The following SGK1 variants were observed in gnomAD, a reference collection of about 807,000 sequenced individuals.
SGK1 encodes serum/glucocorticoid regulated kinase 1.
A neutral mutation model predicts 64.2 loss-of-function variants in SGK1; 26 were observed. The observed-to-expected ratio is 0.40, with a 90% CI of 0.30 to 0.56. The LOEUF (loss-of-function observed/expected upper bound fraction) is 0.56, where lower values mean the gene tolerates loss of function less well. Among genes scored for constraint, SGK1 ranks in the 20% least tolerant of loss-of-function variants. The probability of loss-of-function intolerance (pLI) is 0.38; values close to 1 mark genes in which losing one functional copy is unlikely to be tolerated. For missense variants in SGK1, 519 were observed against 645.6 expected, an observed-to-expected ratio of 0.80 and a Z score of 2.12; for synonymous variants, 265 against 239.7, an observed-to-expected ratio of 1.11 and a Z score of -0.98.
intron 2 of SGK1, among the ~76,000 whole-genome samples, chr6:134,212,295 C>T (rs2114691918): frequency 6.6e-6 from 1 of 152,224 alleles, no homozygotes; most frequent in South Asian, 2.1e-4. Flanking sequence ...CCTCGTGATC[C>T]ACCCGCTTCA....
At chr6:134,175,656 C>T (rs959675742) in intron 3 of SGK1, 16 of 1,507,790 alleles carry the variant, frequency 1.1e-5, no homozygotes, top group Non-Finnish European at 1.4e-5. Flanking sequence ...CCTGCATCTC[C>T]CCCATGGGCA....
chr6:134,223,379 A>T (rs1582723623), intron 2 of SGK1, among the ~76,000 whole-genome samples: 1 of 152,032 alleles, frequency 6.6e-6, no homozygotes, highest in African/African-American at 2.4e-5. Flanking sequence ...AAAAAAAAAA[A>T]AGGGATAATA....
At chr6:134,305,221 T>C (rs1332492173) in intron 1 of SGK1, among the ~76,000 whole-genome samples, 2 of 151,960 alleles carry the variant, frequency 1.3e-5, no homozygotes, top group Non-Finnish European at 2.9e-5. Context: ...TAGCTGGGCA[T>C]GGTGGCTGGT....
rs1562237305 is a variant in SGK1, at chr6:134,172,679, T to C, written c.930A>G (p.Ser310=). ...EIASALGYLH[S]LNIVYRDLKP... is the part of the protein sequence containing the mutation. ...AGGCTTACCTATAAACGATGTTCAG[T>C]GAATGCAGGTAGCCCAAGGCACTGG... Residue 310 remains serine, a synonymous_variant, in exon 9 of 14, where the codon TCA becomes TCG. Coordinates refer to ENST00000367858, the MANE Select transcript of SGK1 (RefSeq NM_001143676.3). 1.2e-6 allele frequency: 2 copies of C among 1,611,748 alleles called. No individual in the cohort carries two copies. The highest frequency in any genetic ancestry group is 1.7e-6 in the Non-Finnish European group (2 of 1,177,810).
chr6:134,289,224 A>AT (rs1307522775), intron 1 of SGK1, among the ~76,000 whole-genome samples: 11 of 152,340 alleles, frequency 7.2e-5, no homozygotes, highest in African/African-American at 2.6e-4. Flanking sequence ...TTCACTGTGG[A>AT]GTTCGGCTGC....
intron 1 of SGK1, among the ~76,000 whole-genome samples, chr6:134,269,152 T>A (rs1405034991): frequency 6.8e-6 from 1 of 147,480 alleles, no homozygotes; most frequent in Non-Finnish European, 1.5e-5. Context: ...AGAGTTTAGG[T>A]ACTTAGGTGT....
At chr6:134,276,089 G>C (rs555724500) in intron 1 of SGK1, among the ~76,000 whole-genome samples, 3 of 152,090 alleles carry the variant, frequency 2.0e-5, no homozygotes, top group Admixed American at 2.0e-4. Context: ...TCTATTTTCT[G>C]TCTGTGTTCA....
chr6:134,202,175 C>A (rs1226806780), intron 3 of SGK1, among the ~76,000 whole-genome samples: 1 of 151,860 alleles, frequency 6.6e-6, no homozygotes, highest in Non-Finnish European at 1.5e-5. Context: ...ACTCTACAGG[C>A]CAGAAGACAA....
intron 2 of SGK1, among the ~76,000 whole-genome samples, chr6:134,224,006 T>A (rs1381253447): frequency 5.9e-5 from 9 of 152,236 alleles, no homozygotes; most frequent in Non-Finnish European, 1.5e-5. Flanking sequence ...GGTTCCCAGA[T>A]GTATTGGAAG....
chr6:134,274,144 C>T (rs1424013943), intron 1 of SGK1, among the ~76,000 whole-genome samples: 1 of 152,100 alleles, frequency 6.6e-6, no homozygotes. Context: ...GCTGGGATTA[C>T]AGGTGCCTGC....
At chr6:134,206,352 TATATATATATATATATATATATATATATA>T (rs1775771511) in intron 3 of SGK1, among the ~76,000 whole-genome samples, 3 of 10,162 alleles carry the variant, frequency 3.0e-4, no homozygotes, top group Admixed American at 9.1e-4. Flanking sequence ...TATATATATA[TATATATATATATATATATATATATATATA>T]TATTTTTTTT....
chr6:134,282,154 C>T (rs1204945529), intron 1 of SGK1, among the ~76,000 whole-genome samples: 2 of 152,018 alleles, frequency 1.3e-5, no homozygotes, highest in African/African-American at 4.8e-5. Flanking sequence ...TGGCTCTAGA[C>T]TTGTTCTGAT....
At chr6:134,178,704 T>A (rs994003048) in intron 3 of SGK1, among the ~76,000 whole-genome samples, 4 of 152,250 alleles carry the variant, frequency 2.6e-5, no homozygotes, top group Admixed American at 2.6e-4. Context: ...TATACGCGGC[T>A]TCCCCCACTT....
At chr6:134,292,162 TG>T (rs1407971354) in intron 1 of SGK1, among the ~76,000 whole-genome samples, 1 of 152,072 alleles carries the variant, frequency 6.6e-6, no homozygotes, top group Admixed American at 6.6e-5. Context: ...CTCTTAGAGG[TG>T]AAGCAAACTT....
chr6:134,208,648 G>C (rs901147125), intron 2 of SGK1, among the ~76,000 whole-genome samples: 2 of 151,996 alleles, frequency 1.3e-5, no homozygotes, highest in African/African-American at 4.8e-5. Context: ...TTCCATTCCT[G>C]AGTTACTTCA....
At chr6:134,259,628 G>A (rs993114556) in intron 2 of SGK1, among the ~76,000 whole-genome samples, 2 of 152,132 alleles carry the variant, frequency 1.3e-5, no homozygotes, top group African/African-American at 4.8e-5. Flanking sequence ...TGGGAGAGCT[G>A]TGTCCATTCA....
At chr6:134,314,034 A>C (rs1562282439) in intron 1 of SGK1, among the ~76,000 whole-genome samples, 3 of 152,222 alleles carry the variant, frequency 2.0e-5, no homozygotes, top group Non-Finnish European at 2.9e-5. Flanking sequence ...ATCCATATAC[A>C]TCTAATGCTA....
chr6:134,194,474 T>C (rs1000250736), intron 3 of SGK1, among the ~76,000 whole-genome samples: 2 of 152,198 alleles, frequency 1.3e-5, no homozygotes, highest in African/African-American at 4.8e-5. Context: ...TGGAGAATCA[T>C]TCTTTGCTCA....
At chr6:134,198,980 G>C (rs114690189) in intron 3 of SGK1, among the ~76,000 whole-genome samples, 2,013 of 152,044 alleles carry the variant, frequency 0.013, 58 homozygotes, top group African/African-American at 0.046. Context: ...CCAACTCTTG[G>C]GCTCAAGCCA....
Sources: gnomAD v4.1 joint callset for allele counts (sites outside exome capture counted in the v4.1 genomes callset) on GRCh38, gnomAD v4.1.1 for gene constraint, MANE v1.5 for transcripts, NCBI Gene and HGNC (gene_info 2026-07-23, HGNC 2026-07-21) for gene names.